The following ROBO2 variants were observed in gnomAD, a reference collection of about 807,000 sequenced individuals.
ROBO2 encodes roundabout homolog 2.
A neutral mutation model predicts 160.8 loss-of-function variants in ROBO2; 53 were observed. The ratio of observed to expected loss-of-function variants is 0.33; its 90% confidence interval spans 0.26 to 0.41. The LOEUF (loss-of-function observed/expected upper bound fraction) is 0.41, where lower values mean the gene tolerates loss of function less well. Among genes scored for constraint, ROBO2 ranks in the 10% least tolerant of loss-of-function variants. The pLI, the probability that ROBO2 is intolerant of heterozygous loss-of-function variation, is 1.00. For synonymous variants in ROBO2, 664 were observed against 611.7 expected (o/e 1.09, Z -1.26); for missense variants, 1,577 against 1,722.4 (o/e 0.92, Z 1.49).
intron 2 of ROBO2, among the ~76,000 whole-genome samples, chr3:75,969,459 A>T (rs545720390): frequency 6.6e-6 from 1 of 151,614 alleles, no homozygotes; most frequent in South Asian, 2.1e-4. Flanking sequence ...GTCATTCAGT[A>T]GCTCTATTTT....
At chr3:77,408,097 A>C (rs1222616012) in intron 2 of ROBO2, among the ~76,000 whole-genome samples, 1 of 129,864 alleles carries the variant, frequency 7.7e-6, no homozygotes, top group Non-Finnish European at 1.7e-5. Flanking sequence ...GAACAAAAAC[A>C]AAAAAAAAAA....
At chr3:75,930,580 A>G (rs1947491951) in intron 1 of ROBO2, among the ~76,000 whole-genome samples, 1 of 152,218 alleles carries the variant, frequency 6.6e-6, no homozygotes, top group Non-Finnish European at 1.5e-5. Flanking sequence ...CTAAACAGCT[A>G]ATAATTTTCA....
At chr3:77,141,198 A>G (rs2076670942) in intron 2 of ROBO2, among the ~76,000 whole-genome samples, 1 of 152,186 alleles carries the variant, frequency 6.6e-6, no homozygotes, top group South Asian at 2.1e-4. Context: ...TAGAAATGTA[A>G]TGCGTTGTGA....
chr3:77,045,787 C>A (rs2064596234), intron 1 of ROBO2, among the ~76,000 whole-genome samples: 1 of 152,192 alleles, frequency 6.6e-6, no homozygotes, highest in South Asian at 2.1e-4. Flanking sequence ...CTCCACCAAC[C>A]ACAAGAAATC....
chr3:77,478,552 T>C (rs140667142), intron 3 of ROBO2, among the ~76,000 whole-genome samples: 2,705 of 152,322 alleles, frequency 0.018, 75 homozygotes, highest in African/African-American at 0.06. Context: ...AACATTTGTA[T>C]GTGAAGTTTT....
At chr3:77,322,472 C>T (rs894366774) in intron 2 of ROBO2, among the ~76,000 whole-genome samples, 1 of 151,936 alleles carries the variant, frequency 6.6e-6, no homozygotes, top group African/African-American at 2.4e-5. Flanking sequence ...GTTTGTCTAA[C>T]ATAATGCTTA....
chr3:76,077,365 C>G (rs556808688), intron 2 of ROBO2, among the ~76,000 whole-genome samples: 110 of 152,190 alleles, frequency 7.2e-4, no homozygotes, highest in Admixed American at 7.2e-3. Flanking sequence ...GAGTTCGAGA[C>G]CAGCCTGGCC....
chr3:77,138,113 A>G (rs949637113), intron 2 of ROBO2, among the ~76,000 whole-genome samples: 6 of 152,350 alleles, frequency 3.9e-5, no homozygotes, highest in Admixed American at 3.3e-4. Context: ...CTTTTATAAT[A>G]AGGGTTGACT....
chr3:77,109,533 GAAAT>G (rs1368335274), intron 2 of ROBO2, among the ~76,000 whole-genome samples: 1 of 152,052 alleles, frequency 6.6e-6, no homozygotes, highest in Non-Finnish European at 1.5e-5. Flanking sequence ...GCTCTGGTGT[GAAAT>G]ACAGAGGAGA....
chr3:76,940,219 T>A (rs544914072), intron 2 of ROBO2, among the ~76,000 whole-genome samples: 70 of 152,228 alleles, frequency 4.6e-4, no homozygotes, highest in African/African-American at 1.6e-3. Context: ...CTTGACCTCG[T>A]GATCCGCCTG....
At chr3:76,911,750 G>C (rs1008125113) in intron 2 of ROBO2, among the ~76,000 whole-genome samples, 22 of 152,058 alleles carry the variant, frequency 1.4e-4, no homozygotes, top group African/African-American at 5.1e-4. Context: ...ATAAAAGGTA[G>C]ATATCAAAAG....
intron 5 of ROBO2, among the ~76,000 whole-genome samples, chr3:77,512,357 G>A (rs1438203483): frequency 6.6e-6 from 1 of 151,918 alleles, no homozygotes; most frequent in African/African-American, 2.4e-5. Context: ...CCTATTTTCA[G>A]CTCTCAAAAT....
At chr3:76,772,695 G>A (rs1285848278) in intron 2 of ROBO2, among the ~76,000 whole-genome samples, 1 of 150,916 alleles carries the variant, frequency 6.6e-6, no homozygotes, top group Admixed American at 6.6e-5. Context: ...CTGTTAAGGG[G>A]TACTGTAATC....
At chr3:76,973,280 G>A (rs916400316) in intron 2 of ROBO2, among the ~76,000 whole-genome samples, 6 of 152,228 alleles carry the variant, frequency 3.9e-5, no homozygotes, top group Non-Finnish European at 5.9e-5. Context: ...AACTCAGTGG[G>A]CAACATGCTT....
chr3:76,526,933 T>C (rs2081977700), intron 2 of ROBO2, among the ~76,000 whole-genome samples: 1 of 152,132 alleles, frequency 6.6e-6, no homozygotes, highest in Non-Finnish European at 1.5e-5. Flanking sequence ...AAAACTACCA[T>C]ATTTGTTCCT....
At chr3:76,630,338 TC>T (rs1203832754) in intron 2 of ROBO2, among the ~76,000 whole-genome samples, 2 of 152,038 alleles carry the variant, frequency 1.3e-5, no homozygotes, top group East Asian at 3.9e-4. Flanking sequence ...CTGAGATGGC[TC>T]TGGCCACTCA....
At chr3:75,971,433 A>G (rs2064989451) in intron 2 of ROBO2, among the ~76,000 whole-genome samples, 1 of 151,526 alleles carries the variant, frequency 6.6e-6, no homozygotes, top group South Asian at 2.1e-4. Context: ...TTAGGTCCAA[A>G]TTCTAGTTAT....
At chr3:77,473,180 G>A (rs2083535434) in intron 2 of ROBO2, among the ~76,000 whole-genome samples, 1 of 152,034 alleles carries the variant, frequency 6.6e-6, no homozygotes, top group South Asian at 2.1e-4. Context: ...TTTACACAGA[G>A]CGTGAAGAAG....
chr3:76,586,442 T>G (rs1361744194), intron 2 of ROBO2, among the ~76,000 whole-genome samples: 4 of 152,222 alleles, frequency 2.6e-5, no homozygotes, highest in Non-Finnish European at 5.9e-5. Context: ...TCTCAGTCTT[T>G]AAGTCTCTTC....
Sources: gnomAD v4.1 joint callset for allele counts (sites outside exome capture counted in the v4.1 genomes callset) on GRCh38, gnomAD v4.1.1 for gene constraint, MANE v1.5 for transcripts, NCBI Gene and HGNC (gene_info 2026-07-23, HGNC 2026-07-21) for gene names.